POGLUT3: variants seen among roughly 807,000 people sequenced by gnomAD.
POGLUT3 encodes the protein KDEL (Lys-Asp-Glu-Leu) containing 2.
POGLUT3 carries 48 observed loss-of-function variants against 54.3 expected under a neutral mutation model. That is an observed-to-expected ratio of 0.88 (90% CI 0.70 to 1.12). The LOEUF (loss-of-function observed/expected upper bound fraction) is 1.12. POGLUT3 is among the 50% of genes most tolerant of loss of function. The probability of loss-of-function intolerance (pLI) is 0.00; values close to 1 mark genes in which losing one functional copy is unlikely to be tolerated. For missense variants in POGLUT3, 629 were observed against 618.7 expected (o/e 1.02, Z -0.18); for synonymous variants, 218 against 237.4 (o/e 0.92, Z 0.75).
chr11:108,490,346 C>T lies in POGLUT3; in HGVS notation c.400+624G>A, dbSNP rs187979989. ...CCGAGTAGCTGGGACTTCAGGCATG[C>T]GCCGCCACCATGCCTGGCTAATTTT... On this transcript the variant is annotated intron_variant, in intron 2 of 7. Coordinates refer to ENST00000323468, the MANE Select transcript of POGLUT3 (RefSeq NM_153705.5). Among the ~76,000 whole-genome samples, 19 of 152,160 alleles carry T rather than the reference C, an allele frequency of 1.2e-4. No individual in the cohort carries two copies. The East Asian group carries it at 3.3e-3, about 26-fold the overall frequency.
In POGLUT3 at chr11:108,472,976, A is replaced by C. The variant is rs1052904403; in HGVS notation, c.*1851T>G. 2.6e-5 allele frequency: 4 copies of C among 152,256 alleles called. No homozygotes were observed. The highest frequency in any genetic ancestry group is 9.6e-5 in the African/African-American group (4 of 41,466). 9.4% of individuals were successfully genotyped at this position (152,256 alleles called of 1,614,324 possible). On this transcript the variant is annotated 3_prime_UTR_variant, in exon 8 of 8. Transcript: ENST00000323468. Reference sequence around the variant, plus strand: ...ATTCTGTTTATTGTTCTTCAGCAAGAATAGATGTAACCACTTTAAAAATAG... The same window carrying C: ...ATTCTGTTTATTGTTCTTCAGCAAGCATAGATGTAACCACTTTAAAAATAG...
intron 7 of POGLUT3, among the ~76,000 whole-genome samples, chr11:108,477,270 C>T (rs1475005930): frequency 1.3e-5 from 2 of 152,186 alleles, no homozygotes; most frequent in South Asian, 2.1e-4. Flanking sequence ...GGCATGGTGG[C>T]GTGTACCTGT....
chr11:108,486,471 C>T (rs2093603719), intron 2 of POGLUT3, 31 bp from the exon 3 acceptor site: 1 of 1,605,626 alleles, frequency 6.2e-7, no homozygotes, highest in South Asian at 1.1e-5. Context: ...AAAGGCCGCA[C>T]TCCATTAGCA....
In POGLUT3 at chr11:108,491,072, A is replaced by C; in HGVS notation, c.298T>G (p.Phe100Val). 3 of 1,613,792 alleles carry C rather than the reference A, an allele frequency of 1.9e-6. No homozygotes were observed. The highest frequency in any genetic ancestry group is 2.5e-6 in the Non-Finnish European group (3 of 1,179,822). The change falls in exon 2 of 8, where the codon TTT (phenylalanine) becomes GTT (valine). Residue 100 changes from phenylalanine (F) to valine (V), a missense_variant. Coordinates refer to ENST00000323468, the MANE Select transcript of POGLUT3 (RefSeq NM_153705.5). ...PKPLDRNDGT[F>V]LMRYRMYETV... ...TCATACATCCTATATCTCATCAAAA[A>C]TGTTCCATCATTCCTGTCCAAAGGT... is the stretch of plus-strand genomic sequence containing the variant.
intron 1 of POGLUT3, among the ~76,000 whole-genome samples, chr11:108,495,563 T>C (rs983399160): frequency 8.5e-5 from 13 of 152,218 alleles, no homozygotes; most frequent in Non-Finnish European, 2.9e-5. Flanking sequence ...TTCAGAACTA[T>C]ACGGCACCTT....
intron 3 of POGLUT3, among the ~76,000 whole-genome samples, chr11:108,482,537 A>G (rs7932489): frequency 1 from 152,131 of 152,160 alleles, 76,051 homozygotes; most frequent in Middle Eastern, 1. Context: ...GTGGATCGTC[A>G]GGAGTTCAAG....
chr11:108,490,447 C>T (rs1211411198), intron 2 of POGLUT3, among the ~76,000 whole-genome samples: 5 of 152,000 alleles, frequency 3.3e-5, no homozygotes, highest in African/African-American at 7.2e-5. Context: ...GCCATCCACT[C>T]GCCTCAGCCT....
chr11:108,497,276 C>T (rs2093623793), intron 1 of POGLUT3, among the ~76,000 whole-genome samples: 1 of 152,138 alleles, frequency 6.6e-6, no homozygotes, highest in South Asian at 2.1e-4. Flanking sequence ...TGTTTGGTTC[C>T]TAAATTCTCT....
chr11:108,496,471 A>G (rs1339461345), intron 1 of POGLUT3, among the ~76,000 whole-genome samples: 1 of 152,260 alleles, frequency 6.6e-6, no homozygotes, highest in Non-Finnish European at 1.5e-5. Context: ...TACAAAGCAC[A>G]GCTGAATAAA....
intron 2 of POGLUT3, among the ~76,000 whole-genome samples, chr11:108,489,978 C>G (rs1421318732): frequency 6.6e-6 from 1 of 152,140 alleles, no homozygotes; most frequent in East Asian, 1.9e-4. Context: ...CTCGATCTCC[C>G]TGAGCTCAGG....
At chr11:108,489,071 G>A (rs1019232435) in intron 2 of POGLUT3, among the ~76,000 whole-genome samples, 4 of 152,014 alleles carry the variant, frequency 2.6e-5, no homozygotes, top group African/African-American at 9.7e-5. Flanking sequence ...AGCTCAAGAA[G>A]ATGAAAAAGC....
chr11:108,477,546 G>C, intron 7 of POGLUT3, 61 bp downstream of exon 7: 1 of 996,188 alleles, frequency 1.0e-6, no homozygotes, highest in Non-Finnish European at 1.6e-6. Context: ...GAAGTGTACA[G>C]GCCAAGCGGG....
rs2093574475 is a variant in POGLUT3, at chr11:108,473,671, C to A, written c.*1156G>T. On this transcript the variant is annotated 3_prime_UTR_variant, in exon 8 of 8. Transcript: ENST00000323468. ...AGAGGTTTTCAGTGTTTTCAAGGAT[C>A]CCCTTTTCAGCTTAAAAATAATGAA... is the stretch of plus-strand genomic sequence containing the variant. 1 of 152,164 alleles carries A rather than the reference C, an allele frequency of 6.6e-6. No individual in the cohort carries two copies. The highest frequency in any genetic ancestry group is 2.4e-5 in the African/African-American group (1 of 41,440). 9.4% of individuals were successfully genotyped at this position (152,164 alleles called of 1,614,324 possible).
Position 108,474,881 on chromosome 11 carries a change from A to G in POGLUT3, c.1470T>C (p.Asp490=), listed in dbSNP as rs756763096. The part of the protein sequence containing the change: ...DGMELVPQPE[D]STAICQCHRK... ...TGTGGCACTGGCAGATGGCTGTGCT[A>G]TCTTCTGGCTGAGGAACAAGTTCCA... Residue 490 remains aspartate, a synonymous_variant, in exon 8 of 8, where the codon GAT becomes GAC. Transcript: ENST00000323468. 4 of 1,613,998 alleles carry G rather than the reference A, an allele frequency of 2.5e-6. No individual in the cohort carries two copies. Among genetic ancestry groups the G allele is most frequent in the African/African-American group, 1.3e-5 (1 of 74,918 alleles).
intron 6 of POGLUT3, 49 bp from the exon 7 acceptor site, chr11:108,477,760 C>T (rs1190069903): frequency 1.6e-6 from 2 of 1,213,936 alleles, no homozygotes; most frequent in Admixed American, 3.4e-5. Context: ...TACTGCGACC[C>T]ACAAAGAGAG....
chr11:108,483,850 G>T (rs1241727419), intron 3 of POGLUT3, among the ~76,000 whole-genome samples: 2 of 151,946 alleles, frequency 1.3e-5, no homozygotes, highest in South Asian at 2.1e-4. Context: ...TGTATTTTTA[G>T]TAGAGATGGG....
At chr11:108,489,157 A>C (rs945882504) in intron 2 of POGLUT3, among the ~76,000 whole-genome samples, 2 of 152,242 alleles carry the variant, frequency 1.3e-5, no homozygotes, top group Non-Finnish European at 2.9e-5. Flanking sequence ...ACTTAGAGAC[A>C]GTAATAGAAA....
chr11:108,475,072 A>C (rs1786896375), intron 7 of POGLUT3, 120 bp from the exon 8 acceptor site: 1 of 1,008,882 alleles, frequency 9.9e-7, no homozygotes, highest in Non-Finnish European at 1.5e-6. Context: ...CTGCAGACTA[A>C]AACCAAAGGT....
chr11:108,487,069 T>C (rs2093604887), intron 2 of POGLUT3: 1 of 152,312 alleles, frequency 6.6e-6, no homozygotes, highest in Non-Finnish European at 1.5e-5. Context: ...AAAATCTTGG[T>C]TTCCACAAAC....
Sources: gnomAD v4.1 joint callset for allele counts (sites outside exome capture counted in the v4.1 genomes callset) on GRCh38, gnomAD v4.1.1 for gene constraint, MANE v1.5 for transcripts, NCBI Gene and HGNC (gene_info 2026-07-23, HGNC 2026-07-21) for gene names.